The following PTPN21 variants were observed in gnomAD, a reference collection of about 807,000 sequenced individuals.
The protein encoded by PTPN21 is tyrosine-protein phosphatase non-receptor type 21.
Under a neutral mutation model 131.8 loss-of-function variants are expected in PTPN21, and 77 were observed. The observed-to-expected ratio is 0.58, with a 90% CI of 0.49 to 0.71. The LOEUF (loss-of-function observed/expected upper bound fraction) is 0.71, where lower values mean the gene tolerates loss of function less well. Among genes scored for constraint, PTPN21 ranks in the 30% least tolerant of loss-of-function variants. The probability of loss-of-function intolerance (pLI) is 0.00; values close to 1 mark genes in which losing one functional copy is unlikely to be tolerated. For missense variants in PTPN21, 1,552 were observed against 1,527.1 expected, an observed-to-expected ratio of 1.02 and a Z score of -0.27; for synonymous variants, 715 against 621.3, an observed-to-expected ratio of 1.15 and a Z score of -2.24.
chr14:88,467,242 G>GCAACA lies in PTPN21; in HGVS notation c.*890_*894dup, dbSNP rs1432009918. ...CCATTGTTATTGTGTCATCTACAAA[G>GCAACA]CAACACATATATTAAAACTCAGATT... On this transcript the variant is annotated 3_prime_UTR_variant, in exon 19 of 19. Coordinates refer to ENST00000556564, the MANE Select transcript of PTPN21 (RefSeq NM_007039.4). 1 of 152,084 alleles carries GCAACA rather than the reference G, an allele frequency of 6.6e-6. No individual in the cohort carries two copies. Among genetic ancestry groups the GCAACA allele is most frequent in the Non-Finnish European group, 1.5e-5 (1 of 68,032 alleles). 9.4% of individuals were successfully genotyped at this position (152,084 alleles called of 1,614,324 possible).
chr14:88,508,953 A>C (rs1056807312), intron 3 of PTPN21, among the ~76,000 whole-genome samples: 1 of 152,222 alleles, frequency 6.6e-6, no homozygotes, highest in Non-Finnish European at 1.5e-5. Flanking sequence ...TCTCCAAATT[A>C]GTATTCTGCA....
chr14:88,474,138 AAAAAAAAAAAAAAAAAAC>A (rs961023701), intron 13 of PTPN21, among the ~76,000 whole-genome samples: 5 of 142,732 alleles, frequency 3.5e-5, no homozygotes, highest in Admixed American at 6.8e-5. Flanking sequence ...GTCCAAAAAA[AAAAAAAAAAAAAAAAAAC>A]AAAAGCTTTA....
chr14:88,493,819 G>A (rs1332438046), intron 10 of PTPN21, among the ~76,000 whole-genome samples: 4 of 152,170 alleles, frequency 2.6e-5, no homozygotes, highest in Non-Finnish European at 4.4e-5. Flanking sequence ...TCTGGGTGAC[G>A]TACCATTTTC....
chr14:88,541,429 C>T (rs2078703898), intron 2 of PTPN21, among the ~76,000 whole-genome samples: 1 of 152,204 alleles, frequency 6.6e-6, no homozygotes, highest in African/African-American at 2.4e-5. Flanking sequence ...GCCATATTCA[C>T]ATAAAGTGTG....
At chr14:88,487,733 T>C (rs1399135475) in intron 10 of PTPN21, among the ~76,000 whole-genome samples, 1 of 152,016 alleles carries the variant, frequency 6.6e-6, no homozygotes, top group Non-Finnish European at 1.5e-5. Flanking sequence ...ATGGCGTGTC[T>C]GGGTTTTAAA....
intron 15 of PTPN21, among the ~76,000 whole-genome samples, chr14:88,471,889 A>G (rs186754868): frequency 2.6e-5 from 4 of 151,898 alleles, no homozygotes; most frequent in Non-Finnish European, 4.4e-5. Context: ...TGTCTGGGCG[A>G]CAGAGCAAGA....
chr14:88,500,416 TGA>T (rs1235441040), intron 8 of PTPN21, among the ~76,000 whole-genome samples: 1 of 152,036 alleles, frequency 6.6e-6, no homozygotes, highest in African/African-American at 2.4e-5. Context: ...GGCAACAGAG[TGA>T]GACCTTGCCT....
chr14:88,478,801 G>C (rs1015412318), intron 13 of PTPN21, 119 bp downstream of exon 13: 7 of 553,714 alleles, frequency 1.3e-5, no homozygotes, highest in Middle Eastern at 4.9e-4. Flanking sequence ...AGTGACGTGG[G>C]GGAATGAAGA....
chr14:88,552,248 C>T (rs1027872568), intron 1 of PTPN21: 2 of 152,238 alleles, frequency 1.3e-5, no homozygotes, highest in African/African-American at 4.8e-5. Context: ...CGTCTCAGGC[C>T]CAGAGGTGAT....
At position 88,527,376 on chromosome 14, in the gene PTPN21, G is replaced by A. The variant is rs2078495082; in HGVS notation, c.181-10115C>T. 2.0e-5 allele frequency among the ~76,000 whole-genome samples: 3 copies of A among 152,188 alleles called. No individual in the cohort carries two copies. The South Asian group carries it at 6.2e-4, about 31-fold the overall frequency. On this transcript the variant is annotated intron_variant, in intron 2 of 18. Coordinates refer to ENST00000556564, the MANE Select transcript of PTPN21 (RefSeq NM_007039.4). ...TGCAGGAGTAAGGTGGTATAGCATT[G>A]TGGTTTGATTTGCATTTTCCTCATA...
At chr14:88,543,460 G>A (rs1483789176) in intron 2 of PTPN21, among the ~76,000 whole-genome samples, 1 of 152,154 alleles carries the variant, frequency 6.6e-6, no homozygotes, top group Non-Finnish European at 1.5e-5. Context: ...CCTCTCTCCA[G>A]GAAATAAAAT....
At chr14:88,526,834 G>C (rs2078486313) in intron 2 of PTPN21, among the ~76,000 whole-genome samples, 2 of 152,030 alleles carry the variant, frequency 1.3e-5, no homozygotes, top group Non-Finnish European at 2.9e-5. Flanking sequence ...AAACCCCAAA[G>C]TCCATTACAT....
chr14:88,499,785 T>C (rs1269903179), intron 8 of PTPN21, among the ~76,000 whole-genome samples: 2 of 152,226 alleles, frequency 1.3e-5, no homozygotes, highest in Non-Finnish European at 1.5e-5. Context: ...AAGCTTTTGG[T>C]TGGACATGAA....
rs1279990810 is a variant in PTPN21, at chr14:88,479,848, G to C, written c.1583C>G (p.Ala528Gly). The change falls in exon 13 of 19, where the codon GCC becomes GGC. Residue 528 changes from alanine to glycine, a missense_variant. Transcript: ENST00000556564. ...FHSPSPYPYP[A>G]ERRPVVGAVS... ...CGCGCCCACCACGGGCCGCCGCTCGGCAGGGTAGGGGTAGGGAGACGGGCT... is the reference window on the plus strand; with the variant it reads ...CGCGCCCACCACGGGCCGCCGCTCGCCAGGGTAGGGGTAGGGAGACGGGCT... The C allele has an allele frequency of 6.4e-7, 1 of 1,558,716 alleles. No individual in the cohort carries two copies. Among genetic ancestry groups the C allele is most frequent in the Non-Finnish European group, 8.6e-7 (1 of 1,157,106 alleles).
chr14:88,516,074 C>A lies in PTPN21; in HGVS notation c.350+1018G>T, dbSNP rs138783426. On this transcript the variant is annotated intron_variant, in intron 3 of 18. Coordinates refer to ENST00000556564, the MANE Select transcript of PTPN21 (RefSeq NM_007039.4). ...TACCAGGTTCTTACTATCTGCAAGG[C>A]ACTGTGTAAGATATCATTAAGTAAA... Among the ~76,000 whole-genome samples the A allele has an allele frequency of 1.3e-3, 204 of 152,274 alleles. 1 individual carries two copies. The highest frequency in any genetic ancestry group is 2.6e-3 in the Non-Finnish European group (177 of 68,024).
intron 12 of PTPN21, among the ~76,000 whole-genome samples, chr14:88,484,764 T>C (rs992066672): frequency 2.0e-5 from 3 of 152,170 alleles, no homozygotes; most frequent in African/African-American, 7.2e-5. Context: ...GTGGCGTGCC[T>C]GTAGTCCCAG....
intron 18 of PTPN21, 69 bp from the exon 19 acceptor site, chr14:88,468,334 G>A (rs189478554): frequency 7.1e-5 from 101 of 1,421,592 alleles, no homozygotes; most frequent in Non-Finnish European, 9.4e-5. Flanking sequence ...GGGAGGACAC[G>A]AGTGTCCTGG....
At chr14:88,511,793 C>T (rs372448106) in intron 3 of PTPN21, among the ~76,000 whole-genome samples, 5 of 152,074 alleles carry the variant, frequency 3.3e-5, no homozygotes, top group Admixed American at 2.0e-4. Flanking sequence ...TAAACTTGCC[C>T]GAAAGTCAAA....
At position 88,473,803 on chromosome 14, in the gene PTPN21, C is replaced by T; in HGVS notation, c.2512-1G>A. The stretch of plus-strand genomic sequence containing the variant: ...CATCTACTCGAGTCTTTTTCATTCC[C>T]TGTAAAAGGATTTATATGTATATAT... On this transcript the variant is annotated splice_acceptor_variant, in intron 13 of 18. Coordinates refer to ENST00000556564, the MANE Select transcript of PTPN21 (RefSeq NM_007039.4). LOFTEE classifies it high-confidence loss of function. 1 of 1,599,926 alleles carries T rather than the reference C, an allele frequency of 6.3e-7. No homozygotes were observed. Among genetic ancestry groups the T allele is most frequent in the Non-Finnish European group, 8.5e-7 (1 of 1,176,366 alleles).
Sources: gnomAD v4.1 joint callset for allele counts (sites outside exome capture counted in the v4.1 genomes callset) on GRCh38, gnomAD v4.1.1 for gene constraint, MANE v1.5 for transcripts, NCBI Gene and HGNC (gene_info 2026-07-23, HGNC 2026-07-21) for gene names.